Variants in MALRD1 observed in about 807,000 individuals in gnomAD.
MALRD1 encodes MAM and LDL-receptor class A domain-containing protein 1.
Under a neutral mutation model 242.1 loss-of-function variants are expected in MALRD1, and 247 were observed. That is an observed-to-expected ratio of 1.02 (90% CI 0.92 to 1.13). MALRD1 has a LOEUF of 1.13. Among genes scored for constraint, MALRD1 ranks in the 50% most tolerant of loss-of-function variants. The pLI is 0.00. For synonymous variants in MALRD1, 995 were observed against 866.6 expected (o/e 1.15, Z -2.60); for missense variants, 2,989 against 2,533.1 (o/e 1.18, Z -3.86).
chr10:19,317,829 T>C (rs1336170576), intron 21 of MALRD1, among the ~76,000 whole-genome samples: 1 of 152,056 alleles, frequency 6.6e-6, no homozygotes, highest in African/African-American at 2.4e-5. Context: ...TTTGTGAAAA[T>C]AGCATGGACT....
At chr10:19,048,474 T>G (rs1182086405), upstream of MALRD1, among the ~76,000 whole-genome samples, 1 of 152,192 alleles carries the variant, frequency 6.6e-6, no homozygotes, top group Non-Finnish European at 1.5e-5. Context: ...GCCTGAAATT[T>G]TGAATATGTT....
At chr10:19,709,559 A>G (rs150136639) in intron 38 of MALRD1, among the ~76,000 whole-genome samples, 2 of 152,172 alleles carry the variant, frequency 1.3e-5, no homozygotes, top group South Asian at 2.1e-4. Flanking sequence ...TTATTTTAAG[A>G]TCCTTTCCCA....
At chr10:19,459,877 A>G (rs1301449574) in intron 29 of MALRD1, among the ~76,000 whole-genome samples, 1 of 151,780 alleles carries the variant, frequency 6.6e-6, no homozygotes, top group Non-Finnish European at 1.5e-5. Flanking sequence ...AGAAAAAATA[A>G]TTATTTGACC....
At chr10:19,536,669 A>G (rs1490569977) in intron 32 of MALRD1, among the ~76,000 whole-genome samples, 2 of 152,130 alleles carry the variant, frequency 1.3e-5, no homozygotes, top group Non-Finnish European at 2.9e-5. Context: ...TTTTGGTGCT[A>G]TGACCTTACA....
chr10:19,122,837 T>A (rs1455494196), intron 5 of MALRD1, among the ~76,000 whole-genome samples: 2 of 152,132 alleles, frequency 1.3e-5, no homozygotes, highest in African/African-American at 4.8e-5. Flanking sequence ...GCAATTCTCC[T>A]GCCTCAGCCT....
chr10:19,505,260 G>C (rs1024548991), intron 31 of MALRD1, among the ~76,000 whole-genome samples: 1 of 152,216 alleles, frequency 6.6e-6, no homozygotes, highest in African/African-American at 2.4e-5. Flanking sequence ...GGTAAGGACT[G>C]AATTGTGCCC....
In MALRD1 at chr10:19,160,313, C is replaced by A. The variant is rs571723383; in HGVS notation, c.1656+5141C>A. On this transcript the variant is annotated intron_variant, in intron 12 of 39. Coordinates refer to ENST00000454679, the MANE Select transcript of MALRD1 (RefSeq NM_001142308.3). ...AGCCTTGCATCCCAGGGATGAAGCC[C>A]ACTTGATCATGGTGGATAAGCTTTT... is the stretch of plus-strand genomic sequence containing the variant. Among the ~76,000 whole-genome samples the A allele has an allele frequency of 1.3e-4, 18 of 139,930 alleles. No homozygotes were observed. In the Admixed American group the frequency reaches 1.3e-3, roughly 10 times the overall value. The allele number at this position is 139,930 out of a possible 152,430, so 91.8% of individuals were successfully genotyped here.
At chr10:19,636,597 T>C (rs1840135126) in intron 36 of MALRD1, among the ~76,000 whole-genome samples, 1 of 152,048 alleles carries the variant, frequency 6.6e-6, no homozygotes, top group South Asian at 2.1e-4. Flanking sequence ...AGGGTTGAAA[T>C]GTATTTCAAC....
At chr10:19,369,468 T>C (rs1368339361) in intron 26 of MALRD1, among the ~76,000 whole-genome samples, 1 of 148,768 alleles carries the variant, frequency 6.7e-6, no homozygotes, top group Non-Finnish European at 1.5e-5. Flanking sequence ...AGATATAGTT[T>C]TTTTATATAC....
At chr10:19,616,805 A>G (rs551104107) in intron 36 of MALRD1, among the ~76,000 whole-genome samples, 1 of 152,060 alleles carries the variant, frequency 6.6e-6, no homozygotes, top group South Asian at 2.1e-4. Flanking sequence ...TTTATGATGG[A>G]CCATATTTAG....
At chr10:19,314,933 C>T (rs1842580809) in intron 21 of MALRD1, among the ~76,000 whole-genome samples, 2 of 150,158 alleles carry the variant, frequency 1.3e-5, no homozygotes, top group South Asian at 4.2e-4. Flanking sequence ...CAAATTAATT[C>T]ACTTTATCAA....
In MALRD1 at chr10:19,393,740, C is replaced by T. The variant is rs1454691918; in HGVS notation, c.4845+4131C>T. Among the ~76,000 whole-genome samples, 5 of 151,962 alleles carry T rather than the reference C, an allele frequency of 3.3e-5. No homozygotes were observed. The East Asian group carries it at 7.8e-4, about 24-fold the overall frequency. ...CAAAGTGCTGGATTACAGGCGTGAG[C>T]CACCGCGCCCGGCCCTGATGGGGTT... On this transcript the variant is annotated intron_variant, in intron 28 of 39. Transcript: ENST00000454679.
rs75389448 is a variant in MALRD1 at position 19,280,171 on chromosome 10, G to T, written c.3204G>T (p.Gln1068His). 9.9e-3 allele frequency: 15,271 copies of T among 1,542,440 alleles called. 119 individuals carry two copies. The highest frequency in any genetic ancestry group is 0.016 in the Middle Eastern group (94 of 5,952). The change falls in exon 20 of 40, where the codon CAG becomes CAT. Residue 1068 changes from glutamine to histidine, a missense_variant. Gln to His is a conservative substitution (Grantham distance 24, BLOSUM62 0). Transcript: ENST00000454679. Reference protein sequence around the residue: ...RSDGHCIEKMQKCDFKYDCPD... With the variant: ...RSDGHCIEKMHKCDFKYDCPD... ...ATGGTCACTGCATTGAAAAAATGCA[G>T]AAATGTGATTTTAAATATGACTGCC...
At chr10:19,168,453 G>A (rs1834791296) in intron 13 of MALRD1, among the ~76,000 whole-genome samples, 1 of 152,180 alleles carries the variant, frequency 6.6e-6, no homozygotes. Flanking sequence ...AAAATAGAAT[G>A]TCCTTTCTAG....
Position 19,508,774 on chromosome 10 carries a change from A to G in MALRD1, c.5320+10128A>G, listed in dbSNP as rs377212979. ...TGGCTACTAAATATTCTAAAACTAC[A>G]TATGTGGCTCACGTTATGTTTTAAT... On this transcript the variant is annotated intron_variant, in intron 31 of 39. Coordinates refer to ENST00000454679, the MANE Select transcript of MALRD1 (RefSeq NM_001142308.3). Among the ~76,000 whole-genome samples, 230 of 152,328 alleles carry G rather than the reference A, an allele frequency of 1.5e-3. 4 individuals carry two copies. The South Asian group carries it at 0.029, about 19-fold the overall frequency.
chr10:19,695,823 G>A (rs1398040896), intron 38 of MALRD1, among the ~76,000 whole-genome samples: 2 of 151,998 alleles, frequency 1.3e-5, no homozygotes, highest in East Asian at 3.9e-4. Flanking sequence ...CGTGCCCGGC[G>A]CCAAAGGCAT....
At chr10:19,625,727 T>C (rs964342789) in intron 36 of MALRD1, among the ~76,000 whole-genome samples, 3 of 152,126 alleles carry the variant, frequency 2.0e-5, no homozygotes, top group Non-Finnish European at 4.4e-5. Flanking sequence ...AATATATCAT[T>C]AATAGTTGTT....
chr10:19,320,921 G>T (rs1433251533), intron 21 of MALRD1, among the ~76,000 whole-genome samples: 1 of 151,356 alleles, frequency 6.6e-6, no homozygotes, highest in Non-Finnish European at 1.5e-5. Context: ...TGATGGGGTT[G>T]TTTTTTTTCT....
At chr10:19,710,674 G>C (rs570991525) in intron 38 of MALRD1, 5 of 152,106 alleles carry the variant, frequency 3.3e-5, no homozygotes, top group Non-Finnish European at 5.9e-5. Context: ...CTGTATTACG[G>C]CTCCATATTC....
Sources: allele counts gnomAD v4.1 joint callset (sites outside exome capture counted in the v4.1 genomes callset), GRCh38; gene constraint gnomAD v4.1.1; transcripts MANE v1.5; gene names NCBI Gene and HGNC (gene_info 2026-07-23, HGNC 2026-07-21).